The following SCGN variants were observed in gnomAD, a reference collection of about 807,000 sequenced individuals.
The protein encoded by SCGN is secretagogin.
In SCGN, 30 loss-of-function variants were observed where a neutral mutation model predicts 39.7. That is an observed-to-expected ratio of 0.76 (90% CI 0.57 to 1.03). SCGN has a LOEUF of 1.03. Among genes scored for constraint, SCGN ranks in the 50% least tolerant of loss-of-function variants. The pLI, the probability that SCGN is intolerant of heterozygous loss-of-function variation, is 0.00. For missense variants in SCGN, 353 were observed against 349.4 expected, an observed-to-expected ratio of 1.01 and a Z score of -0.08; for synonymous variants, 106 against 114.1, an observed-to-expected ratio of 0.93 and a Z score of 0.45.
chr6:25,684,081 C>T (rs1759671951), intron 7 of SCGN, among the ~76,000 whole-genome samples: 1 of 152,284 alleles, frequency 6.6e-6, no homozygotes, highest in African/African-American at 2.4e-5. Flanking sequence ...AGTTGTGCCC[C>T]CTTTATCACT....
chr6:25,667,709 C>T (rs114183466), intron 4 of SCGN, among the ~76,000 whole-genome samples: 1,972 of 152,096 alleles, frequency 0.013, 29 homozygotes, highest in African/African-American at 0.035. Flanking sequence ...TATCCTTTAC[C>T]GGGAGTCTGC....
chr6:25,655,598 C>T (rs1176596109), intron 2 of SCGN, among the ~76,000 whole-genome samples: 1 of 152,112 alleles, frequency 6.6e-6, no homozygotes, highest in Admixed American at 6.5e-5. Flanking sequence ...GAGGCTGGAA[C>T]GGGGGTTGGA....
At chr6:25,690,250 T>C (rs565742108) in intron 9 of SCGN, among the ~76,000 whole-genome samples, 1 of 152,332 alleles carries the variant, frequency 6.6e-6, no homozygotes, top group Non-Finnish European at 1.5e-5. Flanking sequence ...TTCCTTAGCC[T>C]CCCTGTGCTT....
chr6:25,665,653 G>A (rs1174018272), intron 4 of SCGN, among the ~76,000 whole-genome samples: 2 of 152,210 alleles, frequency 1.3e-5, no homozygotes, highest in Non-Finnish European at 2.9e-5. Flanking sequence ...GGGCAGATAA[G>A]GGTTTCCCCA....
chr6:25,671,216 A>G (rs1759494835), intron 6 of SCGN, among the ~76,000 whole-genome samples: 1 of 152,184 alleles, frequency 6.6e-6, no homozygotes, highest in Non-Finnish European at 1.5e-5. Flanking sequence ...TGTTCACGCA[A>G]TTTTATGTAT....
chr6:25,652,319 G>A lies in SCGN; in HGVS notation c.-85G>A. On this transcript the variant is annotated 5_prime_UTR_variant, in exon 1 of 11. Coordinates refer to ENST00000377961, the MANE Select transcript of SCGN (RefSeq NM_006998.4). Reference sequence around the variant, plus strand: ...ATCAGATAGCGAAAGAAGCAGGAGAGCAAGTCAAGAAATACGGTGAAGGAG... The same window carrying A: ...ATCAGATAGCGAAAGAAGCAGGAGAACAAGTCAAGAAATACGGTGAAGGAG... 9.8e-7 allele frequency: 1 copy of A among 1,019,742 alleles called. No individual in the cohort carries two copies. The highest frequency in any genetic ancestry group is 2.4e-5 in the East Asian group (1 of 41,560). The allele number at this position is 1,019,742 out of a possible 1,614,324, so 63.2% of individuals were successfully genotyped here.
At chr6:25,682,609 A>G (rs1759651870) in intron 7 of SCGN, among the ~76,000 whole-genome samples, 1 of 152,240 alleles carries the variant, frequency 6.6e-6, no homozygotes. Context: ...TACAAAAAAG[A>G]GAAAGACATT....
At chr6:25,662,150 G>A (rs1760349661) in intron 3 of SCGN, among the ~76,000 whole-genome samples, 2 of 152,180 alleles carry the variant, frequency 1.3e-5, no homozygotes, top group Non-Finnish European at 2.9e-5. Context: ...ACATACTAAA[G>A]CATGTAACTA....
At chr6:25,677,094 T>C (rs1021680246) in intron 6 of SCGN, among the ~76,000 whole-genome samples, 11 of 152,114 alleles carry the variant, frequency 7.2e-5, no homozygotes, top group Admixed American at 7.2e-4. Context: ...AGCGTGTGAA[T>C]TTCTATCTCG....
At chr6:25,684,182 T>A in intron 7 of SCGN, among the ~76,000 whole-genome samples, 1 of 152,210 alleles carries the variant, frequency 6.6e-6, no homozygotes, top group South Asian at 2.1e-4. Context: ...GACTATGCTC[T>A]AATCCCTTGA....
intron 10 of SCGN, among the ~76,000 whole-genome samples, chr6:25,695,944 AAGG>A (rs1759831649): frequency 6.6e-6 from 1 of 152,212 alleles, no homozygotes; most frequent in South Asian, 2.1e-4. Flanking sequence ...CTCCCAAGAG[AAGG>A]TAGAAATATG....
At chr6:25,698,483 A>G (rs1759865843) in intron 10 of SCGN, among the ~76,000 whole-genome samples, 1 of 152,244 alleles carries the variant, frequency 6.6e-6, no homozygotes, top group African/African-American at 2.4e-5. Flanking sequence ...GGATTTGCCA[A>G]AAGGATCCTG....
intron 6 of SCGN, among the ~76,000 whole-genome samples, chr6:25,679,476 G>A (rs1029470958): frequency 5.5e-5 from 7 of 127,758 alleles, no homozygotes; most frequent in East Asian, 4.1e-4. Flanking sequence ...ACGGAGCCCC[G>A]TGGGCAGGTG....
At chr6:25,679,365 A>G (rs988086264) in intron 6 of SCGN, among the ~76,000 whole-genome samples, 4 of 152,206 alleles carry the variant, frequency 2.6e-5, no homozygotes, top group Non-Finnish European at 4.4e-5. Context: ...GTCACAAGGC[A>G]GTGAACATTT....
intron 9 of SCGN, among the ~76,000 whole-genome samples, chr6:25,690,231 T>C (rs1282162237): frequency 6.6e-6 from 1 of 152,210 alleles, no homozygotes; most frequent in African/African-American, 2.4e-5. Flanking sequence ...CTATGTGGCC[T>C]TGGGCAGGTT....
At chr6:25,661,459 AATTTTCACGCTGTAT>A in intron 2 of SCGN, 78 bp from the exon 3 acceptor site, 2 of 874,982 alleles carry the variant, frequency 2.3e-6, no homozygotes, top group Non-Finnish European at 3.7e-6. Context: ...TGAAAAACAT[AATTTTCACGCTGTAT>A]ATTTTGAATA....
intron 3 of SCGN, among the ~76,000 whole-genome samples, chr6:25,662,781 A>G (rs1760359351): frequency 1.3e-5 from 2 of 152,236 alleles, no homozygotes; most frequent in African/African-American, 4.8e-5. Flanking sequence ...TTCTCATTAT[A>G]CTGGATGTAA....
chr6:25,699,923 A>T (rs1039460908), intron 10 of SCGN, among the ~76,000 whole-genome samples: 1 of 152,046 alleles, frequency 6.6e-6, no homozygotes, highest in Non-Finnish European at 1.5e-5. Context: ...ATCTCTAGTC[A>T]AAAAAGGGCC....
At chr6:25,663,065 C>T (rs1760365093) in intron 3 of SCGN, among the ~76,000 whole-genome samples, 1 of 152,192 alleles carries the variant, frequency 6.6e-6, no homozygotes, top group Non-Finnish European at 1.5e-5. Flanking sequence ...ACGTGAGTGT[C>T]ATTGAGGTTG....
Sources: allele counts gnomAD v4.1 joint callset (sites outside exome capture counted in the v4.1 genomes callset), GRCh38; gene constraint gnomAD v4.1.1; transcripts MANE v1.5; gene names NCBI Gene and HGNC (gene_info 2026-07-23, HGNC 2026-07-21).